Variants in CNTNAP4 observed in about 807,000 individuals in gnomAD.
The protein encoded by CNTNAP4 is contactin associated protein family member 4.
In CNTNAP4, 98 loss-of-function variants were observed where a neutral mutation model predicts 148.4. The ratio of observed to expected loss-of-function variants is 0.66; its 90% confidence interval spans 0.56 to 0.78. The LOEUF (loss-of-function observed/expected upper bound fraction) is 0.78, where lower values mean the gene tolerates loss of function less well. CNTNAP4 is among the 30% of genes least tolerant of loss of function. The pLI, the probability that CNTNAP4 is intolerant of heterozygous loss-of-function variation, is 0.00. For synonymous variants in CNTNAP4, 730 were observed against 565.1 expected, an observed-to-expected ratio of 1.29 and a Z score of -4.14; for missense variants, 1,935 against 1,565.6, an observed-to-expected ratio of 1.24 and a Z score of -3.98.
At chr16:76,311,058 A>G (rs1453564561) in intron 1 of CNTNAP4, among the ~76,000 whole-genome samples, 4 of 152,192 alleles carry the variant, frequency 2.6e-5, no homozygotes, top group Non-Finnish European at 4.4e-5. Flanking sequence ...TAATGCATGT[A>G]AAGCACTGAG....
chr16:76,458,765 C>T (rs980299052), intron 8 of CNTNAP4, among the ~76,000 whole-genome samples: 4 of 152,144 alleles, frequency 2.6e-5, no homozygotes, highest in African/African-American at 9.6e-5. Context: ...GACCTGGTAT[C>T]GGTCCATGGC....
intron 3 of CNTNAP4, among the ~76,000 whole-genome samples, chr16:76,360,485 C>T (rs892825950): frequency 3.3e-5 from 5 of 152,188 alleles, no homozygotes; most frequent in African/African-American, 1.2e-4. Flanking sequence ...ATTTTTCCTT[C>T]CTTATGTTGA....
intron 4 of CNTNAP4, among the ~76,000 whole-genome samples, chr16:76,433,311 T>G (rs1477393601): frequency 6.6e-6 from 1 of 152,132 alleles, no homozygotes; most frequent in Non-Finnish European, 1.5e-5. Flanking sequence ...GGGAGAAGAT[T>G]GGACATGATG....
intron 10 of CNTNAP4, among the ~76,000 whole-genome samples, chr16:76,474,375 G>A (rs2081486611): frequency 6.6e-6 from 1 of 152,166 alleles, no homozygotes. Flanking sequence ...TCTAAGATAA[G>A]GCAGGTCAAG....
chr16:76,390,342 T>C (rs76686353), intron 3 of CNTNAP4, among the ~76,000 whole-genome samples: 2,597 of 152,334 alleles, frequency 0.017, 80 homozygotes, highest in African/African-American at 0.06. Context: ...AAGTCTTCAG[T>C]TCTTTTCTTT....
intron 1 of CNTNAP4, among the ~76,000 whole-genome samples, chr16:76,291,113 G>A (rs1267858531): frequency 6.6e-6 from 1 of 152,168 alleles, no homozygotes; most frequent in Non-Finnish European, 1.5e-5. Context: ...GGGGATTAGG[G>A]CTTTGACATA....
chr16:76,396,567 T>C (rs2078213592), intron 3 of CNTNAP4, among the ~76,000 whole-genome samples: 1 of 152,214 alleles, frequency 6.6e-6, no homozygotes, highest in Non-Finnish European at 1.5e-5. Flanking sequence ...GTGGTTTTGT[T>C]TTTGTTTTGT....
At chr16:76,432,795 G>C (rs2079655415) in intron 4 of CNTNAP4, among the ~76,000 whole-genome samples, 1 of 151,992 alleles carries the variant, frequency 6.6e-6, no homozygotes. Context: ...TCCTCATTTT[G>C]CAGCCTATGA....
chr16:76,322,398 T>A (rs939711484), intron 2 of CNTNAP4, among the ~76,000 whole-genome samples: 2 of 152,194 alleles, frequency 1.3e-5, no homozygotes, highest in Non-Finnish European at 2.9e-5. Flanking sequence ...GAACTTCAGC[T>A]CTTCCACTCT....
At chr16:76,400,015 A>G (rs2078349555) in intron 3 of CNTNAP4, among the ~76,000 whole-genome samples, 2 of 152,216 alleles carry the variant, frequency 1.3e-5, no homozygotes, top group African/African-American at 4.8e-5. Flanking sequence ...TATTTTAATC[A>G]AATGGATTTA....
intron 8 of CNTNAP4, among the ~76,000 whole-genome samples, chr16:76,453,734 G>A (rs1459978284): frequency 6.6e-6 from 1 of 152,054 alleles, no homozygotes; most frequent in Non-Finnish European, 1.5e-5. Flanking sequence ...GTATACAAAT[G>A]GATATACAAA....
At chr16:76,360,861 G>T (rs185610969) in intron 3 of CNTNAP4, among the ~76,000 whole-genome samples, 35 of 137,100 alleles carry the variant, frequency 2.6e-4, no homozygotes, top group African/African-American at 9.8e-4. Context: ...CTGTTGCCCA[G>T]GCTGGAGTGC....
intron 2 of CNTNAP4, among the ~76,000 whole-genome samples, chr16:76,332,374 C>T (rs892854230): frequency 6.6e-6 from 1 of 152,054 alleles, no homozygotes; most frequent in Non-Finnish European, 1.5e-5. Context: ...GATCCTCCTG[C>T]CTTAGTCTCC....
At chr16:76,395,014 C>T (rs1014101465) in intron 3 of CNTNAP4, among the ~76,000 whole-genome samples, 3 of 152,028 alleles carry the variant, frequency 2.0e-5, no homozygotes, top group African/African-American at 7.2e-5. Flanking sequence ...TTCGGTGGGA[C>T]CAGAGCCCTT....
chr16:76,291,906 G>A (rs535058256), intron 1 of CNTNAP4, among the ~76,000 whole-genome samples: 145 of 152,210 alleles, frequency 9.5e-4, no homozygotes, highest in South Asian at 2.9e-3. Context: ...TTTCTCATAC[G>A]CATGCTTTCC....
At chr16:76,508,907 C>T (rs2082920334) in intron 15 of CNTNAP4, among the ~76,000 whole-genome samples, 1 of 94,512 alleles carries the variant, frequency 1.1e-5, no homozygotes. Flanking sequence ...CAACCACCAC[C>T]ACGCCTGGCT....
intron 3 of CNTNAP4, among the ~76,000 whole-genome samples, chr16:76,366,520 T>C (rs2014154184): frequency 1.3e-5 from 2 of 152,232 alleles, no homozygotes; most frequent in African/African-American, 4.8e-5. Context: ...ACATTTTCTT[T>C]ATCCAGTCTT....
chr16:76,318,779 A>G (rs1257642739), intron 2 of CNTNAP4, among the ~76,000 whole-genome samples: 1 of 148,948 alleles, frequency 6.7e-6, no homozygotes, highest in Non-Finnish European at 1.5e-5. Flanking sequence ...AATCATAATC[A>G]TAATAATTAA....
chr16:76,558,636 A>T lies in CNTNAP4; in HGVS notation c.3880A>T (p.Asn1294Tyr). Reference protein sequence around the residue: ...SAEAVLKSELNIQNAVNENQK... With the variant: ...SAEAVLKSELYIQNAVNENQK... ...TGAGGCTGTTCTGAAAAGTGAGCTT[A>T]ATATACAAAATGCAGTCAATGAAAA... Residue 1294 changes from asparagine to tyrosine, a missense_variant, in exon 24 of 24, where the codon AAT becomes TAT. Coordinates refer to ENST00000611870, the MANE Select transcript of CNTNAP4 (RefSeq NM_033401.5). The T allele has an allele frequency of 6.2e-7, 1 of 1,612,480 alleles. No individual in the cohort carries two copies. The highest frequency in any genetic ancestry group is 8.5e-7 in the Non-Finnish European group (1 of 1,179,342).
Sources: gnomAD v4.1 joint callset for allele counts (sites outside exome capture counted in the v4.1 genomes callset) on GRCh38, gnomAD v4.1.1 for gene constraint, MANE v1.5 for transcripts, NCBI Gene and HGNC (gene_info 2026-07-23, HGNC 2026-07-21) for gene names.